WDR48: variants seen among roughly 807,000 people sequenced by gnomAD.
WDR48 encodes WD repeat domain 48, also known as WD repeat-containing protein 48.
WDR48 carries 22 observed loss-of-function variants against 94.0 expected under a neutral mutation model. The ratio of observed to expected loss-of-function variants is 0.23; its 90% CI spans 0.17 to 0.33. The LOEUF (loss-of-function observed/expected upper bound fraction) is 0.33, where lower values mean the gene tolerates loss of function less well. Among genes scored for constraint, WDR48 ranks in the 10% least tolerant of loss-of-function variants. The pLI, the probability that WDR48 is intolerant of heterozygous loss-of-function variation, is 1.00. For missense variants in WDR48, 541 were observed against 813.8 expected (o/e 0.66, Z 4.08); for synonymous variants, 278 against 280.5 (o/e 0.99, Z 0.09).
Position 39,052,080 on chromosome 3 carries a change from A to G in WDR48, c.48+7A>G, listed in dbSNP as rs368802386. On this transcript the variant is annotated splice_region_variant and intron_variant, in intron 1 of 18. Coordinates refer to ENST00000302313, the MANE Select transcript of WDR48 (RefSeq NM_020839.4). ...AGGGCGGAGGAAAGTGCAGGTATGGAAGCCCGGTTCCTCGGTCTTCCGGAC... is the reference window on the plus strand; with the variant it reads ...AGGGCGGAGGAAAGTGCAGGTATGGGAGCCCGGTTCCTCGGTCTTCCGGAC... 4 of 1,613,362 alleles carry G rather than the reference A, an allele frequency of 2.5e-6. No individual in the cohort carries two copies. The highest frequency in any genetic ancestry group is 3.4e-6 in the Non-Finnish European group (4 of 1,179,816).
chr3:39,093,037 G>A (rs1162609642), intron 17 of WDR48, among the ~76,000 whole-genome samples: 1 of 152,170 alleles, frequency 6.6e-6, no homozygotes, highest in Admixed American at 6.5e-5. Context: ...TACAGAAGTA[G>A]GGTGTTGATG....
chr3:39,061,377 G>C (rs1289213530), intron 1 of WDR48, among the ~76,000 whole-genome samples: 1 of 151,586 alleles, frequency 6.6e-6, no homozygotes, highest in Admixed American at 6.6e-5. Flanking sequence ...GTGATAGTTT[G>C]CTGAGAATGA....
intron 1 of WDR48, among the ~76,000 whole-genome samples, chr3:39,060,746 A>G (rs188912885): frequency 6.6e-6 from 1 of 152,288 alleles, no homozygotes; most frequent in Admixed American, 6.5e-5. Flanking sequence ...TGGGAGGCTG[A>G]GGCGGGTGGA....
Position 39,052,083 on chromosome 3 carries a change from C to T in WDR48, c.48+10C>T, listed in dbSNP as rs371870978. On this transcript the variant is annotated intron_variant, in intron 1 of 18. Coordinates refer to ENST00000302313, the MANE Select transcript of WDR48 (RefSeq NM_020839.4). Reference sequence around the variant, plus strand: ...GCGGAGGAAAGTGCAGGTATGGAAGCCCGGTTCCTCGGTCTTCCGGACGCG... The same window carrying T: ...GCGGAGGAAAGTGCAGGTATGGAAGTCCGGTTCCTCGGTCTTCCGGACGCG... 1.7e-5 allele frequency: 27 copies of T among 1,613,334 alleles called. No homozygotes were observed. In the African/African-American group the frequency reaches 2.9e-4, roughly 18 times the overall value.
chr3:39,066,260 C>T (rs769845799), intron 3 of WDR48, among the ~76,000 whole-genome samples: 15 of 152,020 alleles, frequency 9.9e-5, no homozygotes, highest in Non-Finnish European at 1.5e-4. Context: ...TTTTGCAGTC[C>T]GAGTTACAGG....
chr3:39,066,496 A>G (rs1174932943), intron 3 of WDR48, 52 bp from the exon 4 acceptor site: 4 of 1,500,044 alleles, frequency 2.7e-6, no homozygotes, highest in Non-Finnish European at 3.7e-6. Flanking sequence ...ATAAGTTTTC[A>G]AAGTTTTAAG....
chr3:39,094,477 C>G, intron 18 of WDR48, 171 bp from the exon 19 acceptor site: 3 of 1,534,826 alleles, frequency 2.0e-6, no homozygotes, highest in Non-Finnish European at 2.6e-6. Flanking sequence ...GTACATCTCA[C>G]TAAGCTCAAT....
rs1302455903 is a variant in WDR48, at chr3:39,083,841, C to A, written c.1174-314C>A. 3.9e-5 allele frequency among the ~76,000 whole-genome samples: 6 copies of A among 152,258 alleles called. No homozygotes were observed. In the East Asian group the frequency reaches 1.2e-3, roughly 29 times the overall value. On this transcript the variant is annotated intron_variant, in intron 11 of 18. Coordinates refer to ENST00000302313, the MANE Select transcript of WDR48 (RefSeq NM_020839.4). ...AATGGGATGTGGGAAAATAAGCAGT[C>A]CCCCTTTGAGAAGATGGCCGACAAC...
At chr3:39,063,764 A>G (rs1343959346) in intron 2 of WDR48, among the ~76,000 whole-genome samples, 1 of 151,722 alleles carries the variant, frequency 6.6e-6, no homozygotes, top group Non-Finnish European at 1.5e-5. Context: ...GCAATGTGAC[A>G]ATACCCTGTC....
In WDR48 at chr3:39,054,219, A is replaced by G. The variant is rs116240255; in HGVS notation, c.48+2146A>G. On this transcript the variant is annotated intron_variant, in intron 1 of 18. Transcript: ENST00000302313. ...TAGAGTTGCCCTCCATGCTTCCAAG[A>G]AAGCTACTGCGGGCAATGTCATGTT... Among the ~76,000 whole-genome samples, 1,336 of 152,338 alleles carry G rather than the reference A, an allele frequency of 8.8e-3. 25 individuals are homozygous for G. The highest frequency in any genetic ancestry group is 0.031 in the African/African-American group (1,288 of 41,566).
At position 39,079,722 on chromosome 3, in the gene WDR48, A is replaced by G. The variant is rs781448630; in HGVS notation, c.1087A>G (p.Ile363Val). ...TTTTTTCCCATTAGGGGGTGCTAGT[A>G]TTATTCAGTGCCACATTCTTAATGA... ...PDQVIKGGAS[I>V]IQCHILNDKR... The change falls in exon 11 of 19, where the codon ATT (isoleucine) becomes GTT (valine). Residue 363 changes from isoleucine (I) to valine (V), a missense_variant. Physicochemically the swap from Ile to Val is conservative, Grantham distance 29. This residue lies in a region of WDR48 where 238 missense variants were observed against 285.3 expected (regional missense o/e 0.83). Coordinates refer to ENST00000302313, the MANE Select transcript of WDR48 (RefSeq NM_020839.4). 1.3e-6 allele frequency: 2 copies of G among 1,550,528 alleles called. No individual in the cohort carries two copies. Among genetic ancestry groups the G allele is most frequent in the Admixed American group, 4.6e-5 (2 of 43,294 alleles).
Position 39,088,124 on chromosome 3 carries a change from C to G in WDR48, c.1475-4C>G. On this transcript the variant is annotated splice_polypyrimidine_tract_variant and splice_region_variant and intron_variant, in intron 14 of 18. Coordinates refer to ENST00000302313, the MANE Select transcript of WDR48 (RefSeq NM_020839.4). ...ATATTAACACCACCTGCATCTTTTC[C>G]TAGTAAATGGGGAGCAGGAGAACCG... 1 of 1,613,902 alleles carries G rather than the reference C, an allele frequency of 6.2e-7. No homozygotes were observed. The highest frequency in any genetic ancestry group is 1.1e-5 in the South Asian group (1 of 91,068).
At chr3:39,056,538 G>A (rs1430094199) in intron 1 of WDR48, among the ~76,000 whole-genome samples, 1 of 152,158 alleles carries the variant, frequency 6.6e-6, no homozygotes, top group East Asian at 1.9e-4. Context: ...AATCCTGAAA[G>A]CTTAGGGAAG....
At chr3:39,090,257 G>C (rs1361396314) in intron 16 of WDR48, 2 of 152,018 alleles carry the variant, frequency 1.3e-5, no homozygotes, top group Non-Finnish European at 1.5e-5. Context: ...TTGGCCATTT[G>C]TTTTTCTTCT....
At chr3:39,064,415 C>G (rs764381699) in intron 2 of WDR48, among the ~76,000 whole-genome samples, 2 of 152,050 alleles carry the variant, frequency 1.3e-5, no homozygotes, top group Non-Finnish European at 2.9e-5. Context: ...GCTGGGACTA[C>G]AGGCACACGC....
chr3:39,091,741 G>A (rs2035081014), intron 17 of WDR48, 40 bp downstream of exon 17: 2 of 1,476,788 alleles, frequency 1.4e-6, no homozygotes, highest in Non-Finnish European at 1.8e-6. Context: ...TTAACTACTA[G>A]AGAGAATTCC....
rs1392166292 is a variant in WDR48, at chr3:39,084,257, A to G, written c.1276A>G (p.Thr426Ala). Residue 426 changes from threonine to alanine, a missense_variant, in exon 12 of 19, where the codon ACA becomes GCA. By Grantham distance (58) the Thr-to-Ala change is moderately conservative. Transcript: ENST00000302313. ...VPNWFSVDLKTGMLTITLDES... is the reference protein window; with the variant it reads ...VPNWFSVDLKAGMLTITLDES... ...AAATTGGTTCTCAGTAGACTTAAAA[A>G]CAGGGGTAAGTTAGCAATTGATACT... 1.2e-6 allele frequency: 2 copies of G among 1,603,974 alleles called. No individual in the cohort carries two copies. Among genetic ancestry groups the G allele is most frequent in the Non-Finnish European group, 8.5e-7 (1 of 1,172,480 alleles).
chr3:39,056,267 C>G (rs1030675160), intron 1 of WDR48, among the ~76,000 whole-genome samples: 6 of 151,722 alleles, frequency 4.0e-5, no homozygotes, highest in Non-Finnish European at 8.8e-5. Context: ...GGAAGTGTTA[C>G]AAAAATAAAT....
At chr3:39,073,631 G>A (rs956785750) in intron 7 of WDR48, among the ~76,000 whole-genome samples, 1 of 152,172 alleles carries the variant, frequency 6.6e-6, no homozygotes, top group Non-Finnish European at 1.5e-5. Context: ...GTAACATGCT[G>A]TGTGGATGCA....
Sources: gnomAD v4.1 joint callset for allele counts (sites outside exome capture counted in the v4.1 genomes callset) on GRCh38, gnomAD v4.1.1 for gene constraint, gnomAD v4.1.1 regional missense constraint, MANE v1.5 for transcripts, NCBI Gene and HGNC (gene_info 2026-07-23, HGNC 2026-07-21) for gene names.